Variants in LRMDA observed in about 807,000 individuals in gnomAD.
LRMDA encodes leucine rich melanocyte differentiation associated, also known as leucine-rich melanocyte differentiation-associated protein.
In LRMDA, 18 loss-of-function variants were observed where a neutral mutation model predicts 29.8. The ratio of observed to expected loss-of-function variants is 0.60; its 90% CI spans 0.42 to 0.90. The LOEUF is 0.90. LRMDA is among the 40% of genes least tolerant of loss of function. The pLI is 0.00. For missense variants in LRMDA, 273 were observed against 273.9 expected (o/e 1.00, Z 0.02); for synonymous variants, 125 against 109.4 (o/e 1.14, Z -0.89).
At chr10:76,457,988 G>A (rs185887893) in intron 6 of LRMDA, among the ~76,000 whole-genome samples, 1 of 152,158 alleles carries the variant, frequency 6.6e-6, no homozygotes, top group African/African-American at 2.4e-5. Context: ...TATGCTCTAT[G>A]GACATGTTAC....
At chr10:75,550,109 C>T (rs1177828076) in intron 2 of LRMDA, among the ~76,000 whole-genome samples, 2 of 152,116 alleles carry the variant, frequency 1.3e-5, no homozygotes, top group African/African-American at 4.8e-5. Context: ...AACATTTGCT[C>T]AGAAACTAGT....
chr10:75,596,007 C>A (rs960188221), intron 2 of LRMDA, among the ~76,000 whole-genome samples: 2 of 151,802 alleles, frequency 1.3e-5, no homozygotes, highest in Non-Finnish European at 2.9e-5. Flanking sequence ...TGCTTTTTTT[C>A]GCTATAGCAG....
intron 2 of LRMDA, among the ~76,000 whole-genome samples, chr10:75,960,357 AAAC>A (rs1846742605): frequency 1.3e-5 from 2 of 151,836 alleles, no homozygotes; most frequent in African/African-American, 2.4e-5. Flanking sequence ...CAATGTTTAA[AAAC>A]AACAACAAAA....
intron 6 of LRMDA, among the ~76,000 whole-genome samples, chr10:76,407,832 A>C (rs1841918100): frequency 6.6e-6 from 1 of 152,268 alleles, no homozygotes; most frequent in Non-Finnish European, 1.5e-5. Flanking sequence ...AGACCAAATT[A>C]GAACATTTGT....
intron 2 of LRMDA, among the ~76,000 whole-genome samples, chr10:75,677,998 A>G (rs1393431137): frequency 6.6e-6 from 1 of 152,224 alleles, no homozygotes; most frequent in Non-Finnish European, 1.5e-5. Flanking sequence ...GTAAAATGTA[A>G]CATGTGTTTC....
chr10:76,504,514 T>C (rs1842941118), intron 6 of LRMDA, among the ~76,000 whole-genome samples: 1 of 152,096 alleles, frequency 6.6e-6, no homozygotes, highest in Admixed American at 6.6e-5. Flanking sequence ...TACATATATG[T>C]TTATGATAGT....
chr10:76,132,706 C>G (rs576294956), intron 5 of LRMDA, among the ~76,000 whole-genome samples: 1 of 152,088 alleles, frequency 6.6e-6, no homozygotes, highest in African/African-American at 2.4e-5. Flanking sequence ...GTACGAGTAT[C>G]GGAGGAACAA....
Position 75,608,103 on chromosome 10 carries a change from AGT to A in LRMDA, c.131+169616_131+169617del, listed in dbSNP as rs77139956. ...GATGGATGACTGGATCAAAAATTGTAGTGTGTGTATATATATATATATATATA... is the reference window on the plus strand; with the variant it reads ...GATGGATGACTGGATCAAAAATTGTAGTGTGTATATATATATATATATATA... On this transcript the variant is annotated intron_variant, in intron 2 of 6. Transcript: ENST00000611255. Among the ~76,000 whole-genome samples the A allele has an allele frequency of 6.4e-3, 656 of 102,596 alleles. 9 individuals carry two copies. The highest frequency in any genetic ancestry group is 9.3e-3 in the East Asian group (35 of 3,756). The allele number at this position is 102,596 out of a possible 152,430, so 67.3% of individuals were successfully genotyped here.
At position 75,754,356 on chromosome 10, in the gene LRMDA, G is replaced by A. The variant is rs370995541; in HGVS notation, c.132-281652G>A. ...TGACTGGTTTCTATGAAGAGTTCAT[G>A]TTCTCAAAAAACGTATTGTATTCTG... On this transcript the variant is annotated intron_variant, in intron 2 of 6. Coordinates refer to ENST00000611255, the MANE Select transcript of LRMDA (RefSeq NM_001305581.2). Among the ~76,000 whole-genome samples the A allele has an allele frequency of 1.4e-4, 21 of 152,284 alleles. No individual in the cohort carries two copies. The East Asian group carries it at 2.9e-3, about 21-fold the overall frequency.
chr10:75,984,533 A>G (rs575232764), intron 2 of LRMDA, among the ~76,000 whole-genome samples: 54 of 152,348 alleles, frequency 3.5e-4, no homozygotes, highest in Non-Finnish European at 6.0e-4. Context: ...AAGCGGGAAG[A>G]ACACCTCCTT....
intron 2 of LRMDA, chr10:75,552,376 G>A (rs1840161179): frequency 5.4e-6 from 1 of 185,708 alleles, no homozygotes; most frequent in South Asian, 7.6e-5. Flanking sequence ...CATTCTTTCT[G>A]TTGAGCAGTG....
chr10:76,236,221 T>G (rs1430247377), intron 5 of LRMDA, among the ~76,000 whole-genome samples: 3 of 152,158 alleles, frequency 2.0e-5, no homozygotes, highest in African/African-American at 7.2e-5. Flanking sequence ...AGAAATGTAG[T>G]TATAATTAAG....
intron 2 of LRMDA, among the ~76,000 whole-genome samples, chr10:75,814,408 T>C (rs1163894242): frequency 6.6e-6 from 1 of 152,206 alleles, no homozygotes; most frequent in Admixed American, 6.5e-5. Flanking sequence ...GTTAGTGATT[T>C]TCTTTTCAAT....
chr10:76,532,658 C>T (rs1843247274), intron 6 of LRMDA, among the ~76,000 whole-genome samples: 2 of 152,078 alleles, frequency 1.3e-5, no homozygotes, highest in Non-Finnish European at 2.9e-5. Context: ...GAGAAGTCTT[C>T]TAAGAAGAAA....
intron 3 of LRMDA, 120 bp downstream of exon 3, chr10:76,036,254 A>G (rs1384508856): frequency 1.3e-5 from 14 of 1,042,620 alleles, no homozygotes; most frequent in Non-Finnish European, 1.9e-5. Flanking sequence ...GCTAAATTAA[A>G]GTATGTGAAA....
At chr10:76,270,192 A>G (rs919123889) in intron 5 of LRMDA, 2 of 152,232 alleles carry the variant, frequency 1.3e-5, no homozygotes, top group African/African-American at 4.8e-5. Flanking sequence ...TAAACCATGC[A>G]CTTTCTAACA....
intron 2 of LRMDA, among the ~76,000 whole-genome samples, chr10:75,827,509 G>A (rs1589220598): frequency 6.6e-6 from 1 of 152,264 alleles, no homozygotes; most frequent in Non-Finnish European, 1.5e-5. Flanking sequence ...AGCATGTTTG[G>A]AATGAACACC....
intron 2 of LRMDA, among the ~76,000 whole-genome samples, chr10:75,790,171 C>T (rs59673200): frequency 0.036 from 5,497 of 152,060 alleles, 268 homozygotes; most frequent in African/African-American, 0.11. Context: ...GTTGTGGGGG[C>T]CGTCCTGTGC....
intron 2 of LRMDA, among the ~76,000 whole-genome samples, chr10:75,459,170 G>A (rs1844556130): frequency 6.6e-6 from 1 of 152,202 alleles, no homozygotes; most frequent in South Asian, 2.1e-4. Flanking sequence ...GCTAGGTGCA[G>A]TAGTTCATGC....
Sources: gnomAD v4.1 joint callset for allele counts (sites outside exome capture counted in the v4.1 genomes callset) on GRCh38, gnomAD v4.1.1 for gene constraint, MANE v1.5 for transcripts, NCBI Gene and HGNC (gene_info 2026-07-23, HGNC 2026-07-21) for gene names.